SLC12A4: variants seen among roughly 807,000 people sequenced by gnomAD.
SLC12A4 encodes the protein solute carrier family 12 member 4.
SLC12A4 carries 84 observed loss-of-function variants against 119.2 expected under a neutral mutation model. The observed-to-expected ratio is 0.70, with a 90% CI of 0.59 to 0.85. The LOEUF (loss-of-function observed/expected upper bound fraction) is 0.85. Ranked by LOEUF, SLC12A4 falls within the 40% of genes least tolerant of loss-of-function variation. SLC12A4 has a pLI of 0.00. For synonymous variants in SLC12A4, 599 were observed against 604.6 expected (o/e 0.99, Z 0.14); for missense variants, 1,298 against 1,476.3 (o/e 0.88, Z 1.98).
At chr16:67,947,902 G>A (rs1379240291) in intron 14 of SLC12A4, 114 bp from the exon 15 acceptor site, 2 of 1,493,182 alleles carry the variant, frequency 1.3e-6, no homozygotes, top group Admixed American at 3.9e-5. Flanking sequence ...CAGGTGGGTG[G>A]TCAGGTCACT....
Position 67,944,841 on chromosome 16 carries a change from CAGG to C in SLC12A4, c.3254_3256del (p.Ser1085del). The C allele has an allele frequency of 6.2e-7, 1 of 1,613,002 alleles. No homozygotes were observed. The highest frequency in any genetic ancestry group is 8.5e-7 in the Non-Finnish European group (1 of 1,179,968). On this transcript the variant is annotated inframe_deletion, in exon 24 of 24. Coordinates refer to ENST00000316341, the MANE Select transcript of SLC12A4 (RefSeq NM_005072.5). This position sits in a 1 kb window ranked among gnomAD's most constrained non-coding sequence, Gnocchi z 6.6. ...CCAGGCCACAAGATGACACTGGGCT[CAGG>C]AGTAGATGGTGATGACTTCACGGCC...
Position 67,952,298 on chromosome 16 carries a change from A to C in SLC12A4, c.803T>G (p.Val268Gly). ...FLTFMTLVVF[V>G]GVKYVNKFAS... ...AAATTTGTTCACATACTTGACCCCC[A>C]CAAACACCACCAGGGTCATGAAGGT... is the stretch of plus-strand genomic sequence containing the variant. Residue 268 changes from valine to glycine, a missense_variant, in exon 7 of 24, where the codon GTG becomes GGG. Transcript: ENST00000316341. 2 of 1,614,140 alleles carry C rather than the reference A, an allele frequency of 1.2e-6. No individual in the cohort carries two copies. The highest frequency in any genetic ancestry group is 1.7e-6 in the Non-Finnish European group (2 of 1,180,036).
chr16:67,956,880 G>A (rs2030292454), intron 5 of SLC12A4, among the ~76,000 whole-genome samples: 1 of 151,892 alleles, frequency 6.6e-6, no homozygotes. Flanking sequence ...GTGTGCGTGT[G>A]CAATACTTCA....
chr16:67,966,550 C>T (rs1243917352), intron 1 of SLC12A4, among the ~76,000 whole-genome samples: 1 of 152,254 alleles, frequency 6.6e-6, no homozygotes, highest in Admixed American at 6.5e-5. Context: ...TGTACACGGA[C>T]ATCTGCCTGA....
At chr16:67,957,848 G>A (rs578221036) in intron 4 of SLC12A4, 50 bp downstream of exon 4, 2 of 1,614,088 alleles carry the variant, frequency 1.2e-6, no homozygotes, top group African/African-American at 1.3e-5. Flanking sequence ...GCTCTGTGGG[G>A]GCAGCCGTGG....
In SLC12A4 at chr16:67,951,453, C is replaced by T; in HGVS notation, c.1133-149G>A. The T allele has an allele frequency of 1.2e-6, 1 of 858,550 alleles. No homozygotes were observed. The highest frequency in any genetic ancestry group is 1.8e-6 in the Non-Finnish European group (1 of 569,644). 53.2% of individuals were successfully genotyped at this position (858,550 alleles called of 1,614,324 possible). A position where few individuals can be genotyped will look rare whatever the true frequency, so the allele number is the denominator to read the frequency against. On this transcript the variant is annotated intron_variant, in intron 8 of 23. Coordinates refer to ENST00000316341, the MANE Select transcript of SLC12A4 (RefSeq NM_005072.5). The surrounding 1 kb of genome is among the most constrained non-coding windows in gnomAD (Gnocchi z 5.2). ...GACTGCAGCGTCAGCCACAGGGCTACCCTGACCACAGAGAAGGAGCTGCCC... is the reference window on the plus strand; with the variant it reads ...GACTGCAGCGTCAGCCACAGGGCTATCCTGACCACAGAGAAGGAGCTGCCC...
intron 3 of SLC12A4, among the ~76,000 whole-genome samples, chr16:67,960,279 T>G (rs2030492223): frequency 6.6e-6 from 1 of 152,168 alleles, no homozygotes; most frequent in African/African-American, 2.4e-5. Context: ...TGTCACCCAC[T>G]GTGGGCAGAG....
chr16:67,953,897 G>GA (rs1163683015), intron 6 of SLC12A4, among the ~76,000 whole-genome samples: 1 of 152,154 alleles, frequency 6.6e-6, no homozygotes, highest in Non-Finnish European at 1.5e-5. Context: ...CAGGAGAAGG[G>GA]ACAAATCCCA....
chr16:67,956,048 A>G (rs2030243254), intron 5 of SLC12A4, among the ~76,000 whole-genome samples: 1 of 149,350 alleles, frequency 6.7e-6, no homozygotes, highest in African/African-American at 2.5e-5. Flanking sequence ...ATGGTGGTGC[A>G]TGTCTGTAAT....
chr16:67,968,632 C>A lies in SLC12A4; in HGVS notation c.-79G>T, dbSNP rs1017623393. ...CGCCGCTGTCCCCGCCGCCCCGGGC[C>A]GACACGCCCCGCCCGCTCGCATTCC... On this transcript the variant is annotated 5_prime_UTR_variant, in exon 1 of 24. Transcript: ENST00000316341. The A allele has an allele frequency of 8.5e-6, 11 of 1,301,732 alleles. No homozygotes were observed. Among genetic ancestry groups the A allele is most frequent in the Non-Finnish European group, 1.1e-5 (11 of 1,032,272 alleles). The allele number at this position is 1,301,732 out of a possible 1,614,324, so 80.6% of individuals were successfully genotyped here.
intron 1 of SLC12A4, among the ~76,000 whole-genome samples, chr16:67,966,029 G>A (rs2030854678): frequency 1.3e-5 from 2 of 152,202 alleles, no homozygotes; most frequent in Non-Finnish European, 2.9e-5. Flanking sequence ...TTTGGCCAGG[G>A]TACGCATACC....
At chr16:67,955,490 G>C (rs1424734316) in intron 5 of SLC12A4, among the ~76,000 whole-genome samples, 3 of 152,196 alleles carry the variant, frequency 2.0e-5, no homozygotes, top group African/African-American at 4.8e-5. Context: ...GGGAGGCTGG[G>C]GTGAGTGGAT....
intron 1 of SLC12A4, among the ~76,000 whole-genome samples, chr16:67,964,614 G>A (rs2030777785): frequency 6.6e-6 from 1 of 152,156 alleles, no homozygotes; most frequent in Non-Finnish European, 1.5e-5. Flanking sequence ...TCTTGGTGTT[G>A]GATGGCAGCA....
intron 1 of SLC12A4, among the ~76,000 whole-genome samples, 192 bp downstream of exon 1, chr16:67,968,247 G>T (rs1440959670): frequency 1.3e-5 from 2 of 151,998 alleles, no homozygotes; most frequent in African/African-American, 2.4e-5. Context: ...CGCGGGCGCC[G>T]GGGGCCGAGG....
Position 67,946,292 on chromosome 16 carries a change from T to C in SLC12A4, c.2486A>G (p.Lys829Arg). The C allele has an allele frequency of 2.5e-6, 4 of 1,613,010 alleles. No homozygotes were observed. The South Asian group carries it at 3.3e-5, about 13-fold the overall frequency. The change falls in exon 19 of 24, where the codon AAG becomes AGG. Residue 829 changes from lysine (K) to arginine (R), a missense_variant. Transcript: ENST00000316341. ...GTTGCTGGGGTAGAAGGCGATGTTC[T>C]TGGGCACGAGCAGGGCCAGGTGGGC... ...TAAHLALLVP[K>R]NIAFYPSNHE...
chr16:67,967,337 A>T (rs1284964889), intron 1 of SLC12A4, among the ~76,000 whole-genome samples: 1 of 152,180 alleles, frequency 6.6e-6, no homozygotes, highest in African/African-American at 2.4e-5. Context: ...TATCTCCATC[A>T]TGATCGGTCA....
chr16:67,963,782 T>A, intron 1 of SLC12A4: 1 of 1,154,314 alleles, frequency 8.7e-7, no homozygotes, highest in Non-Finnish European at 1.2e-6. Flanking sequence ...TTCCCTCCAG[T>A]GAAGGGAATC....
chr16:67,943,571 C>T lies in SLC12A4; in HGVS notation c.*1269G>A, dbSNP rs2058306837. On this transcript the variant is annotated 3_prime_UTR_variant, in exon 24 of 24. Transcript: ENST00000316341. This position sits in a 1 kb window ranked among gnomAD's most constrained non-coding sequence, Gnocchi z 4.6. ...CTAATAGGGGCCGGGCATGGATGGG[C>T]CTCTCCTGCTCACCGATCCTGGGCT... The T allele has an allele frequency of 2.0e-6, 1 of 505,832 alleles. No individual in the cohort carries two copies. The allele number at this position is 505,832 out of a possible 1,614,324, so 31.3% of individuals were successfully genotyped here.
chr16:67,945,744 G>A lies in SLC12A4; in HGVS notation c.2847+20C>T, dbSNP rs774145773. The A allele has an allele frequency of 6.2e-7, 1 of 1,607,908 alleles. No homozygotes were observed. Among genetic ancestry groups the A allele is most frequent in the Admixed American group, 1.7e-5 (1 of 59,868 alleles). ...CTGACCCTGCCACCCGCCCTGGCGT[G>A]AACCACAAAGGGCACTGACTTCTCG... On this transcript the variant is annotated intron_variant, in intron 21 of 23. Transcript: ENST00000316341.
Sources: allele counts gnomAD v4.1 joint callset (sites outside exome capture counted in the v4.1 genomes callset), GRCh38; gene constraint gnomAD v4.1.1; non-coding constraint Gnocchi (gnomAD v3.1); transcripts MANE v1.5; gene names NCBI Gene and HGNC (gene_info 2026-07-23, HGNC 2026-07-21).